Variants in ESRRG observed in about 807,000 individuals in gnomAD.
The protein encoded by ESRRG is estrogen related receptor gamma.
ESRRG carries 13 observed loss-of-function variants against 44.0 expected under a neutral mutation model. That is an observed-to-expected ratio of 0.30 (90% CI 0.19 to 0.47). The LOEUF (loss-of-function observed/expected upper bound fraction) is 0.47, where lower values mean the gene tolerates loss of function less well. Ranked by LOEUF, ESRRG falls within the 20% of genes least tolerant of loss-of-function variation. ESRRG has a pLI of 1.00. For missense variants in ESRRG, 395 were observed against 580.6 expected (o/e 0.68, Z 3.29); for synonymous variants, 215 against 214.6 (o/e 1.00, Z -0.02).
At chr1:216,725,701 C>A (rs192274185), upstream of ESRRG, among the ~76,000 whole-genome samples, 1,102 of 152,070 alleles carry the variant, frequency 7.2e-3, 11 homozygotes, top group Admixed American at 8.7e-3. Flanking sequence ...TACACACACA[C>A]ACAAAAAAGA....
chr1:217,104,897 T>C lies in ESRRG; in HGVS notation c.-230+32770A>G, dbSNP rs530243266. Among the ~76,000 whole-genome samples the C allele has an allele frequency of 1.3e-3, 193 of 152,348 alleles. 1 individual carries two copies. Among genetic ancestry groups the C allele is most frequent in the Non-Finnish European group, 7.6e-4 (52 of 68,036 alleles). ...CTCTTCCTTAGGGATGCAGCTTCCA[T>C]TGTGAGTAACAAATCTTGGGGAAAG... On this transcript the variant is annotated intron_variant, in intron 1 of 8. Coordinates refer to the ESRRG transcript ENST00000366940.
chr1:216,783,060 C>G (rs2093991517), intron 2 of ESRRG, among the ~76,000 whole-genome samples: 1 of 151,824 alleles, frequency 6.6e-6, no homozygotes, highest in Non-Finnish European at 1.5e-5. Context: ...ACCTTACATT[C>G]CCACTCAGAA....
intron 1 of ESRRG, among the ~76,000 whole-genome samples, chr1:217,002,983 G>T (rs368527062): frequency 6.6e-6 from 1 of 152,150 alleles, no homozygotes; most frequent in Non-Finnish European, 1.5e-5. Context: ...AGCCATGAAA[G>T]CTTTTGTTAC....
At chr1:217,000,305 T>C (rs2076862174) in intron 1 of ESRRG, 1 of 152,184 alleles carries the variant, frequency 6.6e-6, no homozygotes, top group Admixed American at 6.5e-5. Context: ...TTGATTCCTT[T>C]TGTAGGCTAT....
At chr1:216,594,016 A>C (rs1356278839) in intron 3 of ESRRG, among the ~76,000 whole-genome samples, 2 of 152,182 alleles carry the variant, frequency 1.3e-5, no homozygotes, top group East Asian at 3.9e-4. Context: ...TATAGGCATG[A>C]GTGAATTTTA....
chr1:216,905,673 G>A (rs1274535935), intron 2 of ESRRG, among the ~76,000 whole-genome samples: 2 of 152,204 alleles, frequency 1.3e-5, no homozygotes, highest in South Asian at 2.1e-4. Flanking sequence ...GAGATTAGTA[G>A]ACTCCAAAAA....
chr1:217,129,711 G>A (rs1241745082), intron 1 of ESRRG, among the ~76,000 whole-genome samples: 1 of 152,086 alleles, frequency 6.6e-6, no homozygotes, highest in Non-Finnish European at 1.5e-5. Flanking sequence ...AGATACAAAA[G>A]GCCAAATGTT....
At chr1:216,599,694 T>C (rs762426970) in intron 3 of ESRRG, among the ~76,000 whole-genome samples, 49 of 152,082 alleles carry the variant, frequency 3.2e-4, no homozygotes, top group Non-Finnish European at 6.2e-4. Flanking sequence ...GAAAAAAAAA[T>C]TGACCATTTC....
intron 1 of ESRRG, among the ~76,000 whole-genome samples, chr1:217,003,377 G>C (rs563462041): frequency 6.6e-5 from 10 of 152,028 alleles, no homozygotes; most frequent in African/African-American, 2.4e-4. Context: ...AGAAAATTAA[G>C]TGAGATAATA....
chr1:216,793,507 C>T (rs1018410002), intron 2 of ESRRG, among the ~76,000 whole-genome samples: 2 of 152,120 alleles, frequency 1.3e-5, no homozygotes, highest in African/African-American at 4.8e-5. Context: ...CCTCCAGCTA[C>T]AGCCACATGA....
chr1:216,928,773 T>C (rs933331330), intron 2 of ESRRG, among the ~76,000 whole-genome samples: 2 of 152,164 alleles, frequency 1.3e-5, no homozygotes, highest in Non-Finnish European at 2.9e-5. Context: ...TTATTAAGCC[T>C]TGGAAAAGAT....
chr1:217,015,406 T>C (rs1166126023), intron 1 of ESRRG, among the ~76,000 whole-genome samples: 1 of 152,218 alleles, frequency 6.6e-6, no homozygotes, highest in African/African-American at 2.4e-5. Context: ...ACTCATAGTT[T>C]AGACAAAGTA....
chr1:216,560,169 T>C (rs937515273), intron 5 of ESRRG, among the ~76,000 whole-genome samples: 10 of 152,206 alleles, frequency 6.6e-5, no homozygotes, highest in African/African-American at 2.2e-4. Flanking sequence ...AGTTTTCTTT[T>C]AGAGTTTAAT....
At chr1:216,524,371 A>G (rs554073709) in intron 5 of ESRRG, among the ~76,000 whole-genome samples, 1 of 150,514 alleles carries the variant, frequency 6.6e-6, no homozygotes, top group Admixed American at 6.6e-5. Context: ...TTAACTGCAG[A>G]AGTGAAAGCT....
At chr1:216,704,791 TA>T (rs5780912) in intron 1 of ESRRG, among the ~76,000 whole-genome samples, 18,837 of 152,004 alleles carry the variant, frequency 0.12, 1,323 homozygotes, top group Middle Eastern at 0.2. Context: ...ATAATTTAAA[TA>T]AAACCCCCTA....
chr1:216,580,841 A>G (rs1397560220), intron 3 of ESRRG, among the ~76,000 whole-genome samples: 1 of 152,216 alleles, frequency 6.6e-6, no homozygotes, highest in Non-Finnish European at 1.5e-5. Context: ...GCATTAATGA[A>G]ACAGAAGAGC....
At chr1:216,883,457 TAA>T (rs1251022948) in intron 2 of ESRRG, among the ~76,000 whole-genome samples, 8 of 134,350 alleles carry the variant, frequency 6.0e-5, no homozygotes, top group Non-Finnish European at 1.3e-4. Flanking sequence ...TTGCTTAAAA[TAA>T]AGAGTTTGAA....
intron 2 of ESRRG, among the ~76,000 whole-genome samples, chr1:216,787,008 CA>C (rs1422944586): frequency 6.6e-6 from 1 of 152,110 alleles, no homozygotes; most frequent in Admixed American, 6.6e-5. Context: ...AACCTTTCAT[CA>C]AGCCAGTCTA....
At chr1:217,090,316 G>A (rs2092316533), upstream of ESRRG, 1 of 152,092 alleles carries the variant, frequency 6.6e-6, no homozygotes, top group Admixed American at 6.5e-5. Flanking sequence ...GTGGGGGGAG[G>A]GGAAGGAAGA....
Sources: gnomAD v4.1 joint callset for allele counts (sites outside exome capture counted in the v4.1 genomes callset) on GRCh38, gnomAD v4.1.1 for gene constraint, MANE v1.5 for transcripts, NCBI Gene and HGNC (gene_info 2026-07-23, HGNC 2026-07-21) for gene names.